Variants in AKT2 observed in about 807,000 individuals in gnomAD.
AKT2 encodes AKT serine/threonine kinase 2.
Under a neutral mutation model 58.6 loss-of-function variants are expected in AKT2, and 16 were observed. The observed-to-expected ratio is 0.27, with a 90% CI of 0.18 to 0.41. AKT2 has a LOEUF of 0.41. AKT2 is among the 10% of genes least tolerant of loss of function. The pLI, the probability that AKT2 is intolerant of heterozygous loss-of-function variation, is 1.00. For synonymous variants in AKT2, 253 were observed against 254.0 expected, an observed-to-expected ratio of 1.00 and a Z score of 0.04; for missense variants, 438 against 661.0, an observed-to-expected ratio of 0.66 and a Z score of 3.70.
chr19:40,256,833 C>A, intron 3 of AKT2, 93 bp downstream of exon 3: 1 of 1,579,332 alleles, frequency 6.3e-7, no homozygotes, highest in Non-Finnish European at 8.7e-7. Flanking sequence ...CCAGGACAGG[C>A]CCATGGCTCA....
chr19:40,283,476 C>G (rs561641551), intron 1 of AKT2, among the ~76,000 whole-genome samples: 2 of 152,192 alleles, frequency 1.3e-5, no homozygotes, highest in African/African-American at 2.4e-5. Context: ...CCACGAGCCA[C>G]GGAAGCCAGT....
At position 40,255,219 on chromosome 19, in the gene AKT2, G is replaced by A. The variant is rs2145293731; in HGVS notation, c.226C>T (p.Arg76Cys). ...ERPRPNTFVI[R>C]CLQWTTVIER... is the part of the protein sequence containing the mutation. ...ATGACTGTGGTCCACTGCAGGCAGC[G>A]TATGACAAAGGTGTTGGGTCGCGGC... Residue 76 changes from arginine to cysteine, a missense_variant, in exon 4 of 14, where the codon CGC (arginine) becomes TGC (cysteine). Transcript: ENST00000392038. 3.1e-6 allele frequency: 5 copies of A among 1,614,152 alleles called. No homozygotes were observed. The highest frequency in any genetic ancestry group is 4.2e-6 in the Non-Finnish European group (5 of 1,179,988).
intron 1 of AKT2, among the ~76,000 whole-genome samples, chr19:40,269,986 A>G (rs1486288497): frequency 1.3e-5 from 2 of 152,160 alleles, no homozygotes; most frequent in Non-Finnish European, 2.9e-5. Flanking sequence ...TGCTTCTCTG[A>G]GGGCACTTCA....
chr19:40,239,283 C>A, intron 7 of AKT2: 1 of 321,746 alleles, frequency 3.1e-6, no homozygotes, highest in Non-Finnish European at 5.8e-6. Context: ...AAAATGTGTT[C>A]AACTTACACA....
chr19:40,267,947 T>C (rs955901264), intron 1 of AKT2, among the ~76,000 whole-genome samples: 16 of 8,140 alleles, frequency 2.0e-3, no homozygotes, highest in Non-Finnish European at 3.0e-3. Context: ...GGGAGTGAGC[T>C]GTGTAACACA....
intron 1 of AKT2, chr19:40,275,306 TG>T (rs1395261040): frequency 2.2e-6 from 1 of 456,520 alleles, no homozygotes; most frequent in Non-Finnish European, 4.4e-6. Flanking sequence ...TTGGACTGCA[TG>T]GGGAATCCCT....
chr19:40,261,293 G>A (rs1975929041), intron 2 of AKT2, among the ~76,000 whole-genome samples: 1 of 152,214 alleles, frequency 6.6e-6, no homozygotes, highest in Non-Finnish European at 1.5e-5. Flanking sequence ...AGCACTTTGG[G>A]AGGCCAAGGC....
chr19:40,252,188 G>A (rs916945617), intron 4 of AKT2, among the ~76,000 whole-genome samples: 16 of 152,196 alleles, frequency 1.1e-4, no homozygotes, highest in African/African-American at 3.9e-4. Context: ...GTGGGCCAGG[G>A]CTGTGAGGAC....
rs374342477 is a variant in AKT2 at position 40,247,663 on chromosome 19, C to G, written c.288-4976G>C. On this transcript the variant is annotated intron_variant, in intron 4 of 13. Coordinates refer to ENST00000392038, the MANE Select transcript of AKT2 (RefSeq NM_001626.6). The stretch of plus-strand genomic sequence containing the variant: ...CACCCGCTTTTCAGAGAGGGGCCCC[C>G]ACCCCTGCCACTCAACAGCAGTCCC... Among the ~76,000 whole-genome samples, 30 of 152,202 alleles carry G rather than the reference C, an allele frequency of 2.0e-4. 1 individual carries two copies. Among genetic ancestry groups the G allele is most frequent in the Admixed American group, 7.9e-4 (12 of 15,284 alleles).
At chr19:40,239,758 C>T (rs1974272996) in intron 7 of AKT2, 12 of 630,870 alleles carry the variant, frequency 1.9e-5, no homozygotes, top group South Asian at 1.3e-4. Flanking sequence ...GCTAAGTGCT[C>T]CTAACTCATA....
intron 3 of AKT2, 127 bp from the exon 4 acceptor site, chr19:40,255,396 A>T (rs947487908): frequency 3.1e-5 from 22 of 710,622 alleles, no homozygotes; most frequent in Admixed American, 3.0e-4. Context: ...CACTCTAGGG[A>T]CTGAGACAGC....
At chr19:40,256,404 C>T (rs1274282109) in intron 3 of AKT2, among the ~76,000 whole-genome samples, 2 of 152,122 alleles carry the variant, frequency 1.3e-5, no homozygotes, top group Non-Finnish European at 2.9e-5. Context: ...AAAGGGGCAG[C>T]GATGTGGACA....
Position 40,238,199 on chromosome 19 carries a change from T to C in AKT2, c.709-108A>G. 2.1e-6 allele frequency: 3 copies of C among 1,425,762 alleles called. No individual in the cohort carries two copies. Among genetic ancestry groups the C allele is most frequent in the Non-Finnish European group, 2.9e-6 (3 of 1,047,500 alleles). The allele number at this position is 1,425,762 out of a possible 1,614,324, so 88.3% of individuals were successfully genotyped here. A position where few individuals can be genotyped will look rare whatever the true frequency, so the allele number is the denominator to read the frequency against. ...CAGTGATGTGGTGACACCTGTATCA[T>C]GAACCAGCAAGTGACAGCTAGAGGG... is the stretch of plus-strand genomic sequence containing the variant. On this transcript the variant is annotated intron_variant, in intron 8 of 13. Transcript: ENST00000392038. The surrounding 1 kb of genome is among the most constrained non-coding windows in gnomAD (Gnocchi z 5.1).
chr19:40,262,391 A>G (rs1976028510), intron 2 of AKT2, among the ~76,000 whole-genome samples: 2 of 152,322 alleles, frequency 1.3e-5, no homozygotes, highest in South Asian at 4.1e-4. Context: ...CCAGAATTGG[A>G]AAGCACAGCC....
intron 4 of AKT2, among the ~76,000 whole-genome samples, chr19:40,251,676 A>C (rs1372234721): frequency 6.6e-6 from 1 of 152,268 alleles, no homozygotes; most frequent in Non-Finnish European, 1.5e-5. Context: ...GTTTTAAAAC[A>C]ATGTTCTAAA....
intron 6 of AKT2, chr19:40,241,070 G>A (rs1452136127): frequency 6.6e-6 from 1 of 152,464 alleles, no homozygotes; most frequent in Admixed American, 6.5e-5. Flanking sequence ...TTACAGGCGT[G>A]AGCTGTGGCG....
In AKT2 at chr19:40,233,726, C is replaced by T; in HGVS notation, c.*146G>A. On this transcript the variant is annotated 3_prime_UTR_variant, in exon 14 of 14. Transcript: ENST00000392038. This position sits in a 1 kb window ranked among gnomAD's most constrained non-coding sequence, Gnocchi z 4.3. ...GGCTGCAGGGGCCGCTGGGGTGCGT[C>T]TGGGAGGGGCCTGAAGAAGAACTGG... 1 of 797,286 alleles carries T rather than the reference C, an allele frequency of 1.3e-6. No homozygotes were observed. Among genetic ancestry groups the T allele is most frequent in the South Asian group, 1.4e-5 (1 of 71,790 alleles). The allele number at this position is 797,286 out of a possible 1,614,324, so 49.4% of individuals were successfully genotyped here.
At chr19:40,253,753 T>C (rs892120) in intron 4 of AKT2, among the ~76,000 whole-genome samples, 25,418 of 151,978 alleles carry the variant, frequency 0.17, 2,275 homozygotes, top group African/African-American at 0.21. Context: ...ACACGGCTAT[T>C]TCACTGCAGC....
Position 40,285,288 on chromosome 19 carries a change from G to T in AKT2, c.-192C>A. 5.1e-6 allele frequency: 2 copies of T among 394,968 alleles called. No homozygotes were observed. Among genetic ancestry groups the T allele is most frequent in the Non-Finnish European group, 8.9e-6 (2 of 223,800 alleles). The allele number at this position is 394,968 out of a possible 1,614,324, so 24.5% of individuals were successfully genotyped here. A position where few individuals can be genotyped will look rare whatever the true frequency, so the allele number is the denominator to read the frequency against. On this transcript the variant is annotated 5_prime_UTR_variant, in exon 1 of 14. Transcript: ENST00000392038. ...TTTCCCGGCAGCGGCAACGGCGCCG[G>T]CAGCGGCAGCGGCGGCGGCGACGCC...
Sources: allele counts gnomAD v4.1 joint callset (sites outside exome capture counted in the v4.1 genomes callset), GRCh38; gene constraint gnomAD v4.1.1; non-coding constraint Gnocchi (gnomAD v3.1); transcripts MANE v1.5; gene names NCBI Gene and HGNC (gene_info 2026-07-23, HGNC 2026-07-21).